Variants in ELMO1 observed in about 807,000 individuals in gnomAD.
ELMO1 encodes engulfment and cell motility 1.
ELMO1 carries 26 observed loss-of-function variants against 98.9 expected under a neutral mutation model. That is an observed-to-expected ratio of 0.26 (90% CI 0.19 to 0.36). The LOEUF (loss-of-function observed/expected upper bound fraction) is 0.36. Ranked by LOEUF, ELMO1 falls within the 10% of genes least tolerant of loss-of-function variation. ELMO1 has a pLI of 1.00. For synonymous variants in ELMO1, 346 were observed against 346.0 expected (o/e 1.00, Z 0.00); for missense variants, 627 against 935.2 (o/e 0.67, Z 4.30).
intron 1 of ELMO1, among the ~76,000 whole-genome samples, chr7:37,435,847 A>G (rs1647787): frequency 0.99 from 151,490 of 152,336 alleles, 75,334 homozygotes; most frequent in Middle Eastern, 1. Context: ...CACAGCTGGG[A>G]TAATGGTTTG....
chr7:37,280,945 C>G lies in ELMO1; in HGVS notation c.193-9063G>C, dbSNP rs1584912630. Among the ~76,000 whole-genome samples, 3 of 119,772 alleles carry G rather than the reference C, an allele frequency of 2.5e-5. No homozygotes were observed. The East Asian group carries it at 6.3e-4, about 25-fold the overall frequency. 78.6% of individuals were successfully genotyped at this position (119,772 alleles called of 152,430 possible). A position where few individuals can be genotyped will look rare whatever the true frequency, so the allele number is the denominator to read the frequency against. On this transcript the variant is annotated intron_variant, in intron 4 of 21. Coordinates refer to ENST00000310758, the MANE Select transcript of ELMO1 (RefSeq NM_014800.11). ...AATTCACAATAGCAAAATCATGGAA[C>G]CAACCCAAATGCCCATCATCAACGA...
intron 16 of ELMO1, among the ~76,000 whole-genome samples, chr7:36,962,267 G>T (rs1470062514): frequency 6.6e-6 from 1 of 152,198 alleles, no homozygotes; most frequent in East Asian, 1.9e-4. Flanking sequence ...TCAGGCCTCA[G>T]CCTAGGTGAC....
chr7:37,010,288 G>A (rs983562845), intron 16 of ELMO1, among the ~76,000 whole-genome samples: 1 of 152,192 alleles, frequency 6.6e-6, no homozygotes, highest in South Asian at 2.1e-4. Flanking sequence ...AATACACACT[G>A]GAAATAGGCA....
chr7:37,005,495 C>T (rs1793017061), intron 16 of ELMO1, among the ~76,000 whole-genome samples: 2 of 152,002 alleles, frequency 1.3e-5, no homozygotes, highest in African/African-American at 4.8e-5. Context: ...AGTTCAAGAC[C>T]AGCCTGGCCA....
At chr7:37,204,051 C>A (rs1425082873) in intron 13 of ELMO1, 4 of 454,134 alleles carry the variant, frequency 8.8e-6, no homozygotes, top group Non-Finnish European at 1.8e-5. Context: ...ATTTAGCCCC[C>A]GAATTCTAAG....
chr7:37,012,910 G>T (rs1793655788), intron 16 of ELMO1, among the ~76,000 whole-genome samples: 1 of 152,210 alleles, frequency 6.6e-6, no homozygotes, highest in African/African-American at 2.4e-5. Context: ...GATCTCATTT[G>T]CTCTGTACCA....
At chr7:37,266,679 C>T (rs963680222) in intron 5 of ELMO1, among the ~76,000 whole-genome samples, 1 of 152,068 alleles carries the variant, frequency 6.6e-6, no homozygotes, top group Non-Finnish European at 1.5e-5. Context: ...TTGTGTATTT[C>T]TTTAATTAAA....
chr7:37,215,149 C>T (rs1448423176), intron 11 of ELMO1, among the ~76,000 whole-genome samples: 2 of 152,334 alleles, frequency 1.3e-5, no homozygotes, highest in East Asian at 1.9e-4. Context: ...GTTTATCTTT[C>T]CCGAAGAACT....
At chr7:37,122,859 G>A (rs1786173172) in intron 14 of ELMO1, among the ~76,000 whole-genome samples, 1 of 152,006 alleles carries the variant, frequency 6.6e-6, no homozygotes, top group South Asian at 2.1e-4. Context: ...ACCACACCTA[G>A]TCCAAAATTG....
At chr7:37,255,076 T>C (rs560383385) in intron 6 of ELMO1, among the ~76,000 whole-genome samples, 2 of 152,212 alleles carry the variant, frequency 1.3e-5, no homozygotes, top group Admixed American at 6.5e-5. Flanking sequence ...GCAAAAATGA[T>C]TGTGTCCCTT....
chr7:37,014,953 G>A (rs1793827597), intron 15 of ELMO1, among the ~76,000 whole-genome samples: 1 of 152,010 alleles, frequency 6.6e-6, no homozygotes, highest in Non-Finnish European at 1.5e-5. Flanking sequence ...CCCTGATCAA[G>A]CCTCATGGAA....
intron 15 of ELMO1, among the ~76,000 whole-genome samples, chr7:37,032,964 C>T (rs866032181): frequency 6.6e-6 from 1 of 152,094 alleles, no homozygotes; most frequent in Non-Finnish European, 1.5e-5. Flanking sequence ...TGAATTGCAC[C>T]TAAGGATGGG....
intron 14 of ELMO1, among the ~76,000 whole-genome samples, chr7:37,121,616 T>C (rs1309753552): frequency 6.6e-6 from 1 of 152,092 alleles, no homozygotes; most frequent in African/African-American, 2.4e-5. Context: ...CCAAGAAATA[T>C]GGGACTATGT....
At chr7:37,182,537 C>T (rs145463107) in intron 13 of ELMO1, among the ~76,000 whole-genome samples, 87 of 135,988 alleles carry the variant, frequency 6.4e-4, no homozygotes, top group African/African-American at 2.1e-3. Context: ...ATGGCACGAT[C>T]GGTCTCGCTC....
At chr7:37,206,825 CT>C (rs200362683) in intron 13 of ELMO1, among the ~76,000 whole-genome samples, 6 of 146,246 alleles carry the variant, frequency 4.1e-5, no homozygotes, top group African/African-American at 1.3e-4. Flanking sequence ...GAAACAATTT[CT>C]TTTTTTAAAA....
intron 14 of ELMO1, among the ~76,000 whole-genome samples, chr7:37,132,447 G>A (rs1786986888): frequency 6.6e-6 from 1 of 152,128 alleles, no homozygotes; most frequent in African/African-American, 2.4e-5. Context: ...CCTGAGGACA[G>A]GGGAGAGGTG....
intron 16 of ELMO1, among the ~76,000 whole-genome samples, chr7:36,992,659 C>A (rs978686020): frequency 2.0e-5 from 3 of 152,204 alleles, no homozygotes; most frequent in Non-Finnish European, 2.9e-5. Context: ...AGGAAAGCTT[C>A]ATCACATCCT....
chr7:37,236,445 C>T (rs965971703), intron 7 of ELMO1, among the ~76,000 whole-genome samples: 1 of 152,082 alleles, frequency 6.6e-6, no homozygotes, highest in Non-Finnish European at 1.5e-5. Context: ...ATACACCAGT[C>T]AAGGTACTCA....
chr7:37,334,577 C>G (rs1425284291), intron 2 of ELMO1, among the ~76,000 whole-genome samples: 1 of 152,150 alleles, frequency 6.6e-6, no homozygotes, highest in Non-Finnish European at 1.5e-5. Flanking sequence ...AAGTAGGGAG[C>G]CTAAGCCGAT....
Sources: gnomAD v4.1 joint callset for allele counts (sites outside exome capture counted in the v4.1 genomes callset) on GRCh38, gnomAD v4.1.1 for gene constraint, MANE v1.5 for transcripts, NCBI Gene and HGNC (gene_info 2026-07-23, HGNC 2026-07-21) for gene names.